PRPF18: variants seen among roughly 807,000 people sequenced by gnomAD.
PRPF18 encodes pre-mRNA-splicing factor 18.
PRPF18 carries 38 observed loss-of-function variants against 46.5 expected under a neutral mutation model. The observed-to-expected ratio is 0.82, with a 90% CI of 0.63 to 1.07. The LOEUF (loss-of-function observed/expected upper bound fraction) is 1.07. PRPF18 is among the 50% of genes least tolerant of loss of function. The pLI, the probability that PRPF18 is intolerant of heterozygous loss-of-function variation, is 0.00. For synonymous variants in PRPF18, 152 were observed against 146.7 expected (o/e 1.04, Z -0.26); for missense variants, 263 against 410.0 (o/e 0.64, Z 3.10).
rs147572913 is a variant in PRPF18 at position 13,630,334 on chromosome 10, A to C, written c.1023A>C (p.Ala341=). 4.4e-5 allele frequency: 70 copies of C among 1,607,608 alleles called. No homozygotes were observed. The East Asian group carries it at 1.6e-3, about 36-fold the overall frequency. The part of the protein sequence containing the change: ...TDPSKCVEYN[A]L ...CATCCAAATGTGTGGAGTACAATGCACTGTGAGATCTGTGTATGGTGTGTT... is the reference window on the plus strand; with the variant it reads ...CATCCAAATGTGTGGAGTACAATGCCCTGTGAGATCTGTGTATGGTGTGTT... Residue 341 remains alanine (A), a synonymous_variant, in exon 10 of 10, where the codon GCA becomes GCC. Coordinates refer to ENST00000378572, the MANE Select transcript of PRPF18 (RefSeq NM_003675.4).
the PRPF18 span, chr10:13,647,897 C>T: frequency 3.9e-5 from 6 of 152,074 alleles, no homozygotes; most frequent in Non-Finnish European, 7.4e-5. Flanking sequence ...TGAATGAGCC[C>T]TTTGAATTCC....
chr10:13,591,639 C>G lies in PRPF18; in HGVS notation c.66+4487C>G. On this transcript the variant is annotated intron_variant, in intron 1 of 9. Coordinates refer to ENST00000378572, the MANE Select transcript of PRPF18 (RefSeq NM_003675.4). ...TTTTCTGTGCTGAAGATCTCAGCTTCCTGGTGTCTGGGCTTCTGCAGCTGC... is the reference window on the plus strand; with the variant it reads ...TTTTCTGTGCTGAAGATCTCAGCTTGCTGGTGTCTGGGCTTCTGCAGCTGC... 3 of 621,186 alleles carry G rather than the reference C, an allele frequency of 4.8e-6. No individual in the cohort carries two copies. In the South Asian group the frequency reaches 5.2e-5, roughly 11 times the overall value. The allele number at this position is 621,186 out of a possible 1,614,324, so 38.5% of individuals were successfully genotyped here.
chr10:13,635,013 C>G (rs190937976), downstream of PRPF18, among the ~76,000 whole-genome samples: 1 of 152,276 alleles, frequency 6.6e-6, no homozygotes, highest in African/African-American at 2.4e-5. Context: ...AGCCCGGCAT[C>G]CACTAGCTAT....
intron 8 of PRPF18, 148 bp from the exon 9 acceptor site, chr10:13,616,250 G>A: frequency 1.3e-6 from 1 of 773,148 alleles, no homozygotes; most frequent in East Asian, 2.7e-5. Context: ...AATCTGTTTT[G>A]TTTGAATAAC....
chr10:13,596,507 G>A (rs990006304), intron 1 of PRPF18, among the ~76,000 whole-genome samples: 1 of 152,164 alleles, frequency 6.6e-6, no homozygotes, highest in Non-Finnish European at 1.5e-5. Context: ...TTGTGTGGAG[G>A]TAGTACACAG....
At chr10:13,633,375 C>T (rs887931378), downstream of PRPF18, among the ~76,000 whole-genome samples, 2 of 152,264 alleles carry the variant, frequency 1.3e-5, no homozygotes. Flanking sequence ...CCTACTCCAG[C>T]ACTTCAGAGC....
At chr10:13,649,583 A>G in the PRPF18 span, 1 of 152,214 alleles carries the variant, frequency 6.6e-6, no homozygotes, top group Non-Finnish European at 1.5e-5. Context: ...TATTTTTTCC[A>G]AACTTGCGAT....
At chr10:13,625,135 A>G (rs1405658203) in intron 9 of PRPF18, among the ~76,000 whole-genome samples, 1 of 152,052 alleles carries the variant, frequency 6.6e-6, no homozygotes, top group Admixed American at 6.6e-5. Flanking sequence ...GGAGTTCTAG[A>G]CCAGCCTGGG....
At chr10:13,619,851 GA>G (rs531267954) in intron 9 of PRPF18, among the ~76,000 whole-genome samples, 10 of 150,610 alleles carry the variant, frequency 6.6e-5, no homozygotes, top group African/African-American at 1.7e-4. Flanking sequence ...CTTGGTTTTT[GA>G]AAAAAAAGTA....
intron 3 of PRPF18, among the ~76,000 whole-genome samples, chr10:13,604,764 AT>A (rs2080161284): frequency 6.6e-6 from 1 of 152,228 alleles, no homozygotes. Context: ...ATATCTGTTT[AT>A]GGAAAATTAA....
At chr10:13,649,008 A>T in the PRPF18 span, among the ~76,000 whole-genome samples, 2 of 152,164 alleles carry the variant, frequency 1.3e-5, no homozygotes, top group African/African-American at 4.8e-5. Flanking sequence ...CATATATTAA[A>T]GGTTCTGAGA....
the PRPF18 span, chr10:13,645,410 G>T: frequency 1.3e-4 from 19 of 143,214 alleles, no homozygotes; most frequent in East Asian, 3.5e-3. Context: ...TACCACCTCT[G>T]CGGAAACCTT....
At chr10:13,649,943 C>T in the PRPF18 span, among the ~76,000 whole-genome samples, 2 of 152,218 alleles carry the variant, frequency 1.3e-5, no homozygotes, top group Non-Finnish European at 2.9e-5. Flanking sequence ...TGTGCTCTCT[C>T]AACTGTGACC....
chr10:13,654,762 T>C, the PRPF18 span: 1 of 529,918 alleles, frequency 1.9e-6, no homozygotes, highest in Non-Finnish European at 3.3e-6. Flanking sequence ...GCACCTTCAT[T>C]CTGAGTCAAG....
At chr10:13,597,780 T>A (rs2080056381) in intron 2 of PRPF18, 2 of 858,058 alleles carry the variant, frequency 2.3e-6, no homozygotes. Flanking sequence ...ATGAAGTGGC[T>A]TGAGATCAAA....
At chr10:13,634,452 C>A (rs563779118), downstream of PRPF18, among the ~76,000 whole-genome samples, 1 of 152,380 alleles carries the variant, frequency 6.6e-6, no homozygotes, top group East Asian at 1.9e-4. Flanking sequence ...TCAAGAGTCA[C>A]TCCTGCAATC....
At chr10:13,605,848 A>T (rs2080176197) in intron 4 of PRPF18, 104 bp downstream of exon 4, 2 of 1,388,202 alleles carry the variant, frequency 1.4e-6, no homozygotes, top group Admixed American at 2.7e-5. Context: ...AAGTAAAGTG[A>T]GCAGATTATT....
At chr10:13,604,456 A>G (rs2080157304) in intron 3 of PRPF18, among the ~76,000 whole-genome samples, 1 of 152,238 alleles carries the variant, frequency 6.6e-6, no homozygotes, top group East Asian at 1.9e-4. Context: ...TCATGTAACC[A>G]TCACCCAAGT....
At position 13,613,737 on chromosome 10, in the gene PRPF18, A is replaced by G; in HGVS notation, c.580-4A>G. The G allele has an allele frequency of 1.2e-6, 2 of 1,610,942 alleles. No homozygotes were observed. The highest frequency in any genetic ancestry group is 1.7e-6 in the Non-Finnish European group (2 of 1,179,184). On this transcript the variant is annotated splice_region_variant and splice_polypyrimidine_tract_variant and intron_variant, in intron 6 of 9. Coordinates refer to ENST00000378572, the MANE Select transcript of PRPF18 (RefSeq NM_003675.4). ...TAGTCTAAGTTTACCCATCCTTTCA[A>G]CAGTTTCTTCTTGGCGTTTGGGCTA...
Sources: gnomAD v4.1 joint callset for allele counts (sites outside exome capture counted in the v4.1 genomes callset) on GRCh38, gnomAD v4.1.1 for gene constraint, MANE v1.5 for transcripts, NCBI Gene and HGNC (gene_info 2026-07-23, HGNC 2026-07-21) for gene names.